TENM1: variants seen among roughly 807,000 people sequenced by gnomAD.
The protein encoded by TENM1 is teneurin transmembrane protein 1.
Under a neutral mutation model 174.8 loss-of-function variants are expected in TENM1, and 35 were observed. The observed-to-expected ratio is 0.20, with a 90% CI of 0.15 to 0.27. The LOEUF is 0.27. TENM1 is among the 10% of genes least tolerant of loss of function. The pLI is 1.00. For synonymous variants in TENM1, 781 were observed against 798.7 expected, an observed-to-expected ratio of 0.98 and a Z score of 0.37; for missense variants, 1,633 against 2,130.1, an observed-to-expected ratio of 0.77 and a Z score of 4.59.
chrX:124,462,431 TGGGGGGG>T (rs1217120404), intron 22 of TENM1, among the ~76,000 whole-genome samples: 1 of 9,061 alleles, frequency 1.1e-4, no homozygotes, highest in African/African-American at 2.4e-4. Flanking sequence ...TGTGTGTGTG[TGGGGGGG>T]GTGGGGGTGG....
chrX:124,590,829 G>A (rs1347997761), intron 11 of TENM1, among the ~76,000 whole-genome samples: 2 of 111,580 alleles, frequency 1.8e-5, no homozygotes, highest in African/African-American at 3.3e-5. Context: ...TTGTCAGTGG[G>A]GTGTTGAAGA....
chrX:125,180,389 T>C, the TENM1 span, among the ~76,000 whole-genome samples: 1 of 100,156 alleles, frequency 1.0e-5, no homozygotes, highest in East Asian at 3.4e-4. Context: ...TTTTAAACCA[T>C]GTTCCACCAG....
intron 4 of TENM1, among the ~76,000 whole-genome samples, chrX:124,714,075 C>T (rs1210938260): frequency 9.0e-6 from 1 of 111,500 alleles, no homozygotes; most frequent in Non-Finnish European, 1.9e-5. Flanking sequence ...TATTATGTGC[C>T]AGGTACTCTG....
At chrX:124,631,563 G>GTTCT (rs2050755984) in intron 11 of TENM1, among the ~76,000 whole-genome samples, 1 of 111,202 alleles carries the variant, frequency 9.0e-6, no homozygotes, top group South Asian at 3.8e-4. Context: ...TGAGACATGG[G>GTTCT]TTCTTATATT....
chrX:124,408,138 T>A (rs780700303), intron 25 of TENM1, among the ~76,000 whole-genome samples: 28 of 109,873 alleles, frequency 2.5e-4, no homozygotes, highest in African/African-American at 6.8e-4. Context: ...CAGCCTTTTT[T>A]AAAAAAAATT....
At chrX:125,027,503 A>T in the TENM1 span, among the ~76,000 whole-genome samples, 1 of 112,194 alleles carries the variant, frequency 8.9e-6, no homozygotes, top group Admixed American at 9.4e-5. Context: ...TGTAAATTTG[A>T]TGCAATGCCA....
chrX:124,870,420 C>G (rs2057088085), intron 3 of TENM1, among the ~76,000 whole-genome samples: 1 of 111,306 alleles, frequency 9.0e-6, no homozygotes, highest in Non-Finnish European at 1.9e-5. Context: ...TTCATACATG[C>G]TATGGAAATA....
At chrX:125,098,637 C>T in the TENM1 span, among the ~76,000 whole-genome samples, 1 of 111,990 alleles carries the variant, frequency 8.9e-6, no homozygotes, top group Non-Finnish European at 1.9e-5. Context: ...ATCTTTCTCC[C>T]TATATCTTTA....
At chrX:124,703,193 A>G (rs2052815657) in intron 5 of TENM1, among the ~76,000 whole-genome samples, 1 of 111,704 alleles carries the variant, frequency 9.0e-6, no homozygotes, top group Non-Finnish European at 1.9e-5. Flanking sequence ...TGAAAAGGTT[A>G]AGTAACTCAC....
At chrX:124,401,608 C>G (rs1347778688) in intron 27 of TENM1, among the ~76,000 whole-genome samples, 2 of 112,020 alleles carry the variant, frequency 1.8e-5, no homozygotes, top group African/African-American at 6.5e-5. Flanking sequence ...ATCAGCTTGT[C>G]CCTTGAAAGC....
chrX:124,999,859 T>G, the TENM1 span, among the ~76,000 whole-genome samples: 1 of 111,723 alleles, frequency 9.0e-6, no homozygotes, highest in Middle Eastern at 4.6e-3. Flanking sequence ...AAGACAGGAA[T>G]TGCTGGCAAG....
intron 15 of TENM1, among the ~76,000 whole-genome samples, chrX:124,541,253 C>T (rs751919956): frequency 2.4e-4 from 27 of 111,499 alleles, no homozygotes; most frequent in African/African-American, 4.6e-4. Flanking sequence ...TGTTTGTCCC[C>T]GTCCAAATTT....
intron 3 of TENM1, among the ~76,000 whole-genome samples, chrX:124,774,065 G>C (rs1234056592): frequency 8.9e-6 from 1 of 111,954 alleles, no homozygotes; most frequent in Non-Finnish European, 1.9e-5. Context: ...ATAAGATTAG[G>C]TCCCTAAGAA....
At chrX:124,465,994 G>A (rs748051829) in intron 22 of TENM1, among the ~76,000 whole-genome samples, 1 of 111,999 alleles carries the variant, frequency 8.9e-6, no homozygotes, top group East Asian at 2.8e-4. Flanking sequence ...ATGTGGACGT[G>A]CTACAGTAGC....
intron 8 of TENM1, 49 bp from the exon 12 acceptor site, chrX:124,646,859 G>T (rs1332880582): frequency 2.1e-5 from 19 of 911,846 alleles, no homozygotes; most frequent in Non-Finnish European, 2.8e-5. Flanking sequence ...TCTCCAGGCT[G>T]TAGAGTCTTT....
chrX:124,702,164 A>T (rs1343990703), intron 5 of TENM1, among the ~76,000 whole-genome samples: 2 of 112,100 alleles, frequency 1.8e-5, no homozygotes, highest in Admixed American at 9.5e-5. Flanking sequence ...TTTGAAATAT[A>T]ATACTTTTTT....
intron 25 of TENM1, among the ~76,000 whole-genome samples, chrX:124,418,367 C>A (rs1280457286): frequency 9.2e-6 from 1 of 109,065 alleles, no homozygotes; most frequent in Non-Finnish European, 1.9e-5. Flanking sequence ...CCCCACCCCC[C>A]AGATATTCAT....
chrX:124,753,720 C>G (rs888495991), intron 3 of TENM1, among the ~76,000 whole-genome samples: 12 of 111,401 alleles, frequency 1.1e-4, no homozygotes, highest in South Asian at 3.9e-4. Flanking sequence ...TTTTGTCAAA[C>G]GCCTTTTCTG....
At chrX:124,421,921 C>T (rs931584093) in intron 24 of TENM1, among the ~76,000 whole-genome samples, 1 of 112,050 alleles carries the variant, frequency 8.9e-6, no homozygotes, top group African/African-American at 3.2e-5. Context: ...TTAATAATAT[C>T]ATGATCTTTC....
Sources: gnomAD v4.1 joint callset for allele counts (sites outside exome capture counted in the v4.1 genomes callset) on GRCh38, gnomAD v4.1.1 for gene constraint, MANE v1.5 for transcripts, NCBI Gene and HGNC (gene_info 2026-07-23, HGNC 2026-07-21) for gene names.